Variants in ACER3 observed in about 807,000 individuals in gnomAD.
ACER3 encodes alkaline ceramidase 3, also known as alkCDase 3.
ACER3 carries 16 observed loss-of-function variants against 48.9 expected under a neutral mutation model. The observed-to-expected ratio is 0.33, with a 90% CI of 0.22 to 0.50. The LOEUF (loss-of-function observed/expected upper bound fraction) is 0.50, where lower values mean the gene tolerates loss of function less well. Among genes scored for constraint, ACER3 ranks in the 20% least tolerant of loss-of-function variants. The pLI is 0.98. For synonymous variants in ACER3, 109 were observed against 107.8 expected (o/e 1.01, Z -0.07); for missense variants, 227 against 326.0 (o/e 0.70, Z 2.34).
At chr11:76,899,459 T>A (rs12288840) in intron 1 of ACER3, among the ~76,000 whole-genome samples, 3,240 of 152,336 alleles carry the variant, frequency 0.021, 116 homozygotes, top group African/African-American at 0.074. Context: ...CCTTTCATCA[T>A]CGAAATCTTA....
At chr11:76,916,596 A>G (rs1383103385) in intron 1 of ACER3, among the ~76,000 whole-genome samples, 1 of 152,178 alleles carries the variant, frequency 6.6e-6, no homozygotes, top group Non-Finnish European at 1.5e-5. Context: ...CACCAAATGT[A>G]GGTAGGATTT....
At chr11:76,921,541 A>G (rs781326836) in intron 1 of ACER3, among the ~76,000 whole-genome samples, 2 of 152,060 alleles carry the variant, frequency 1.3e-5, no homozygotes, top group Non-Finnish European at 2.9e-5. Context: ...AAATGTTAGT[A>G]TGTTCTTATA....
intron 1 of ACER3, among the ~76,000 whole-genome samples, chr11:76,899,024 G>T (rs1946012371): frequency 6.6e-6 from 1 of 151,086 alleles, no homozygotes; most frequent in African/African-American, 2.4e-5. Flanking sequence ...CTGATGAGAT[G>T]CCTTATAATC....
chr11:76,974,478 A>G (rs1237446672), intron 3 of ACER3, among the ~76,000 whole-genome samples: 1 of 152,236 alleles, frequency 6.6e-6, no homozygotes, highest in Non-Finnish European at 1.5e-5. Flanking sequence ...AGTGTGTACC[A>G]TTAACTTCAA....
intron 2 of ACER3, among the ~76,000 whole-genome samples, chr11:76,945,294 T>G (rs1336066213): frequency 6.6e-6 from 1 of 152,174 alleles, no homozygotes; most frequent in Non-Finnish European, 1.5e-5. Flanking sequence ...GTTTCCCATG[T>G]CCTTCCGTTG....
intron 1 of ACER3, among the ~76,000 whole-genome samples, chr11:76,893,889 T>A (rs965294262): frequency 6.6e-6 from 1 of 152,250 alleles, no homozygotes; most frequent in Non-Finnish European, 1.5e-5. Context: ...AACTGTGAGC[T>A]TTACCTAATG....
At chr11:76,974,156 G>A (rs185266976) in intron 3 of ACER3, among the ~76,000 whole-genome samples, 2 of 152,284 alleles carry the variant, frequency 1.3e-5, no homozygotes, top group East Asian at 1.9e-4. Flanking sequence ...GAGAGTGTGA[G>A]TATTCCAAGT....
chr11:76,939,720 A>G (rs562876065), intron 2 of ACER3, among the ~76,000 whole-genome samples: 2 of 152,370 alleles, frequency 1.3e-5, no homozygotes, highest in South Asian at 4.1e-4. Context: ...TTAAGAGAAT[A>G]TAACCAGAAA....
At chr11:76,990,720 G>A (rs766890684) in intron 6 of ACER3, 146 bp downstream of exon 6, 10 of 585,360 alleles carry the variant, frequency 1.7e-5, no homozygotes, top group Non-Finnish European at 2.4e-5. Context: ...TAAAAGGGAG[G>A]TTGTAAACTC....
At chr11:76,948,011 C>A (rs546951935) in intron 2 of ACER3, among the ~76,000 whole-genome samples, 8 of 152,266 alleles carry the variant, frequency 5.3e-5, no homozygotes, top group African/African-American at 1.9e-4. Flanking sequence ...GGAAAGCAGG[C>A]AGCTGCAATG....
rs1166994217 is a variant in ACER3 at position 76,868,391 on chromosome 11, CTGTGTGTG to C, written c.103+7346_103+7353del. 7.3e-3 allele frequency: 1,272 copies of C among 175,062 alleles called. 20 individuals carry two copies. Among genetic ancestry groups the C allele is most frequent in the African/African-American group, 0.032 (1,213 of 37,774 alleles). The allele number at this position is 175,062 out of a possible 1,614,324, so 10.8% of individuals were successfully genotyped here. A position where few individuals can be genotyped will look rare whatever the true frequency, so the allele number is the denominator to read the frequency against. On this transcript the variant is annotated intron_variant, in intron 1 of 10. Coordinates refer to ENST00000532485, the MANE Select transcript of ACER3 (RefSeq NM_018367.7). ...AGTTTTAATATCTCTCTCTCTCTCTCTGTGTGTGTGTGTGTGTGTGTGTGTGTGTGTGT... is the reference window on the plus strand; with the variant it reads ...AGTTTTAATATCTCTCTCTCTCTCTCTGTGTGTGTGTGTGTGTGTGTGTGT...
At chr11:76,874,710 C>T (rs1945326043) in intron 1 of ACER3, among the ~76,000 whole-genome samples, 1 of 152,178 alleles carries the variant, frequency 6.6e-6, no homozygotes, top group African/African-American at 2.4e-5. Context: ...TCAGCTCCTG[C>T]CTGAGTTTCT....
intron 1 of ACER3, among the ~76,000 whole-genome samples, chr11:76,913,059 T>C (rs1946426206): frequency 1.3e-5 from 2 of 152,212 alleles, no homozygotes; most frequent in Admixed American, 1.3e-4. Context: ...CAATGGTTTG[T>C]AGTTCTCCTT....
In ACER3 at chr11:76,881,783, G is replaced by A. The variant is rs1004980801; in HGVS notation, c.103+20704G>A. On this transcript the variant is annotated intron_variant, in intron 1 of 10. Transcript: ENST00000532485. The stretch of plus-strand genomic sequence containing the variant: ...TCTGATGCTCTTCACCGTTGTCTGA[G>A]GATATACATTTCCCTCTGGTATCAT... Among the ~76,000 whole-genome samples, 3 of 152,196 alleles carry A rather than the reference G, an allele frequency of 2.0e-5. No homozygotes were observed. In the South Asian group the frequency reaches 6.2e-4, roughly 32 times the overall value.
intron 1 of ACER3, among the ~76,000 whole-genome samples, chr11:76,919,078 A>G (rs1003621076): frequency 6.6e-6 from 1 of 152,344 alleles, no homozygotes; most frequent in Non-Finnish European, 1.5e-5. Flanking sequence ...GGCTTTTCAC[A>G]GTGGAAGTGA....
intron 2 of ACER3, among the ~76,000 whole-genome samples, chr11:76,947,576 A>G (rs1447837703): frequency 6.6e-6 from 1 of 152,214 alleles, no homozygotes; most frequent in Non-Finnish European, 1.5e-5. Flanking sequence ...AATAGGCATC[A>G]AATCAATGTG....
chr11:76,979,513 C>T (rs572822490), intron 4 of ACER3, among the ~76,000 whole-genome samples: 5 of 151,978 alleles, frequency 3.3e-5, no homozygotes, highest in South Asian at 2.1e-4. Flanking sequence ...ATTAGCCAGG[C>T]GTGGTGATGT....
intron 6 of ACER3, 39 bp downstream of exon 6, chr11:76,990,613 G>A (rs3740766): frequency 0.49 from 623,907 of 1,278,040 alleles, 160,504 homozygotes; most frequent in Non-Finnish European, 0.54. Context: ...GATTGTTTAC[G>A]ATACATGGCT....
In ACER3 at chr11:76,990,561, C is replaced by T. The variant is rs926257713; in HGVS notation, c.425C>T (p.Pro142Leu). 1 of 1,498,490 alleles carries T rather than the reference C, an allele frequency of 6.7e-7. No homozygotes were observed. The highest frequency in any genetic ancestry group is 9.3e-7 in the Non-Finnish European group (1 of 1,076,882). The allele number at this position is 1,498,490 out of a possible 1,614,324, so 92.8% of individuals were successfully genotyped here. A position where few individuals can be genotyped will look rare whatever the true frequency, so the allele number is the denominator to read the frequency against. ...CAGGTTTACCTTAAGGTAAAAGAGC[C>T]GATATTCCATCAGGTAATTTTTTGT... Reference protein sequence around the residue: ...VTTVYLKVKEPIFHQVMYGML... With the variant: ...VTTVYLKVKELIFHQVMYGML... Residue 142 changes from proline to leucine, a missense_variant, in exon 6 of 11, where the codon CCG (proline) becomes CTG (leucine). By Grantham distance (98) the Pro-to-Leu change is moderately conservative. Transcript: ENST00000532485.
Sources: gnomAD v4.1 joint callset for allele counts (sites outside exome capture counted in the v4.1 genomes callset) on GRCh38, gnomAD v4.1.1 for gene constraint, MANE v1.5 for transcripts, NCBI Gene and HGNC (gene_info 2026-07-23, HGNC 2026-07-21) for gene names.